OTUD7A: variants seen among roughly 807,000 people sequenced by gnomAD.
OTUD7A encodes the protein OTU deubiquitinase 7A.
OTUD7A carries 12 observed loss-of-function variants against 65.7 expected under a neutral mutation model. The observed-to-expected ratio is 0.18, with a 90% confidence interval of 0.12 to 0.30. The LOEUF (loss-of-function observed/expected upper bound fraction) is 0.30, where lower values mean the gene tolerates loss of function less well. OTUD7A is among the 10% of genes least tolerant of loss of function. OTUD7A has a pLI of 1.00. For missense variants in OTUD7A, 1,148 were observed against 1,304.8 expected, an observed-to-expected ratio of 0.88 and a Z score of 1.85; for synonymous variants, 641 against 586.3, an observed-to-expected ratio of 1.09 and a Z score of -1.35.
rs12441743 is a variant in OTUD7A at position 31,675,425 on chromosome 15, C to T, written c.-99-18348G>A. 7.8e-3 allele frequency among the ~76,000 whole-genome samples: 1,180 copies of T among 152,234 alleles called. 44 individuals carry two copies. The East Asian group carries it at 0.082, about 11-fold the overall frequency. On this transcript the variant is annotated intron_variant, in intron 1 of 12. Transcript: ENST00000307050. ...CAAACATGATTCTCATGCCAATACACTATCTTAACAAATTTGAGGAGAAAA... is the reference window on the plus strand; with the variant it reads ...CAAACATGATTCTCATGCCAATACATTATCTTAACAAATTTGAGGAGAAAA...
chr15:31,528,353 A>G (rs1234266888), intron 6 of OTUD7A, among the ~76,000 whole-genome samples: 4 of 152,234 alleles, frequency 2.6e-5, no homozygotes, highest in African/African-American at 9.6e-5. Context: ...GCAGTACTTG[A>G]GAAAAGGCAA....
chr15:31,587,311 T>C (rs1889572305), intron 3 of OTUD7A, among the ~76,000 whole-genome samples: 1 of 152,092 alleles, frequency 6.6e-6, no homozygotes, highest in South Asian at 2.1e-4. Flanking sequence ...CTGTCACCTG[T>C]TCTCCACAGG....
intron 3 of OTUD7A, among the ~76,000 whole-genome samples, chr15:31,570,473 ACACACACACACAC>A (rs924048558): frequency 6.7e-6 from 1 of 148,628 alleles, no homozygotes; most frequent in Non-Finnish European, 1.5e-5. Context: ...ACACACACAC[ACACACACACACAC>A]ATCTAAACAC....
chr15:31,717,063 CTCCACATACAAG>C (rs1893607744), intron 1 of OTUD7A, among the ~76,000 whole-genome samples: 1 of 152,178 alleles, frequency 6.6e-6, no homozygotes, highest in African/African-American at 2.4e-5. Flanking sequence ...TTATCATTCT[CTCCACATACAAG>C]TCTGTTCTAC....
rs181376297 is a variant in OTUD7A, at chr15:31,640,392, T to A, written c.151+14704A>T. On this transcript the variant is annotated intron_variant, in intron 3 of 12. Transcript: ENST00000307050. ...TAACCAAACACCACCTGTACCCCAATAACCTACGGAAATAAAAAAAAATAA... is the reference window on the plus strand; with the variant it reads ...TAACCAAACACCACCTGTACCCCAAAAACCTACGGAAATAAAAAAAAATAA... 1.4e-3 allele frequency among the ~76,000 whole-genome samples: 215 copies of A among 152,172 alleles called. 1 individual carries two copies. Among genetic ancestry groups the A allele is most frequent in the African/African-American group, 4.9e-3 (203 of 41,524 alleles).
At chr15:31,639,249 G>A (rs1891440800) in intron 3 of OTUD7A, among the ~76,000 whole-genome samples, 1 of 152,052 alleles carries the variant, frequency 6.6e-6, no homozygotes, top group Non-Finnish European at 1.5e-5. Context: ...TACATAAGTG[G>A]AATTGCACAA....
intron 1 of OTUD7A, among the ~76,000 whole-genome samples, chr15:31,854,374 A>G (rs1897512101): frequency 6.6e-6 from 1 of 152,212 alleles, no homozygotes; most frequent in Non-Finnish European, 1.5e-5. Flanking sequence ...TTGCCACATA[A>G]GATGACATAT....
intron 1 of OTUD7A, among the ~76,000 whole-genome samples, chr15:31,750,806 A>G (rs1221558041): frequency 6.6e-6 from 1 of 152,214 alleles, no homozygotes; most frequent in Non-Finnish European, 1.5e-5. Flanking sequence ...AACAAAGTTG[A>G]CAAAAATAGG....
chr15:31,682,807 GTGTGTA>G (rs1359244567), intron 1 of OTUD7A, among the ~76,000 whole-genome samples: 5 of 152,328 alleles, frequency 3.3e-5, no homozygotes, highest in African/African-American at 9.6e-5. Flanking sequence ...GTGTTTAATA[GTGTGTA>G]TGTGTATTTG....
intron 1 of OTUD7A, among the ~76,000 whole-genome samples, chr15:31,758,558 G>A (rs1038385684): frequency 3.3e-5 from 5 of 152,210 alleles, no homozygotes; most frequent in Admixed American, 1.3e-4. Flanking sequence ...AATACTGCTC[G>A]AACCAGAGAG....
chr15:31,484,584 CTCCTTG>C lies in OTUD7A; in HGVS notation c.1506_1511del (p.Asp502_Lys503del), dbSNP rs771670942. 2.4e-5 allele frequency: 38 copies of C among 1,610,446 alleles called. 1 individual carries two copies. Among genetic ancestry groups the C allele is most frequent in the South Asian group, 1.8e-4 (16 of 90,796 alleles). On this transcript the variant is annotated inframe_deletion, in exon 13 of 13. Coordinates refer to ENST00000307050, the MANE Select transcript of OTUD7A (RefSeq NM_001382637.1). This position sits in a 1 kb window ranked among gnomAD's most constrained non-coding sequence, Gnocchi z 4.5. Reference sequence around the variant, plus strand: ...CCTTCTCCTTGCGCTGCTTCTCCTTCTCCTTGTCCTTGCCGTTCTTGCCGTTATTGC... The same window carrying C: ...CCTTCTCCTTGCGCTGCTTCTCCTTCTCCTTGCCGTTCTTGCCGTTATTGC...
rs185010979 is a variant in OTUD7A, at chr15:31,496,758, A to G, written c.1171+4932T>C. ...AGCATTTGATTTAACCACGAGCCATACATCAAATACAGATGGAAGGCTGCT... is the reference window on the plus strand; with the variant it reads ...AGCATTTGATTTAACCACGAGCCATGCATCAAATACAGATGGAAGGCTGCT... On this transcript the variant is annotated intron_variant, in intron 10 of 12. Transcript: ENST00000307050. 3.1e-4 allele frequency among the ~76,000 whole-genome samples: 47 copies of G among 152,322 alleles called. No homozygotes were observed. In the East Asian group the frequency reaches 8.5e-3, roughly 27 times the overall value.
rs2041057329 is a variant in OTUD7A, at chr15:31,478,358, A to C, written c.*4936T>G. 1 of 152,158 alleles carries C rather than the reference A, an allele frequency of 6.6e-6. No individual in the cohort carries two copies. The highest frequency in any genetic ancestry group is 6.6e-5 in the Admixed American group (1 of 15,264). The allele number at this position is 152,158 out of a possible 1,614,324, so 9.4% of individuals were successfully genotyped here. A position where few individuals can be genotyped will look rare whatever the true frequency, so the allele number is the denominator to read the frequency against. ...AAACTAACAAATTATGTATATATAT[A>C]TCCTTGATATGCTCTTTGGGAGGAA... On this transcript the variant is annotated 3_prime_UTR_variant, in exon 13 of 13. Coordinates refer to ENST00000307050, the MANE Select transcript of OTUD7A (RefSeq NM_001382637.1).
intron 8 of OTUD7A, among the ~76,000 whole-genome samples, chr15:31,512,645 T>C (rs1479317923): frequency 1.3e-5 from 2 of 152,178 alleles, no homozygotes; most frequent in South Asian, 2.1e-4. Flanking sequence ...TAACTTAGAA[T>C]TTTTTAAAAG....
At chr15:31,633,988 T>C (rs1891258564) in intron 3 of OTUD7A, among the ~76,000 whole-genome samples, 1 of 152,198 alleles carries the variant, frequency 6.6e-6, no homozygotes. Flanking sequence ...TGAACCTAAC[T>C]TCTTTCCAAA....
chr15:31,734,240 TAAAGAAATCAGAAGTGACAC>T (rs1318548243), intron 1 of OTUD7A, among the ~76,000 whole-genome samples: 4 of 152,014 alleles, frequency 2.6e-5, no homozygotes, highest in Non-Finnish European at 5.9e-5. Flanking sequence ...AAACACTGCT[TAAAGAAATCAGAAGTGACAC>T]AAACAAATGG....
intron 6 of OTUD7A, among the ~76,000 whole-genome samples, chr15:31,528,506 T>G (rs968890370): frequency 3.3e-5 from 5 of 152,238 alleles, no homozygotes; most frequent in African/African-American, 1.2e-4. Flanking sequence ...CTGGGCATCT[T>G]TGGATATGCA....
At chr15:31,786,175 C>T (rs750420618) in intron 1 of OTUD7A, among the ~76,000 whole-genome samples, 1 of 152,172 alleles carries the variant, frequency 6.6e-6, no homozygotes, top group African/African-American at 2.4e-5. Flanking sequence ...AGCTCTTCAA[C>T]CTTGGACTTC....
chr15:31,660,287 A>AT (rs1892125479), intron 1 of OTUD7A, among the ~76,000 whole-genome samples: 1 of 152,246 alleles, frequency 6.6e-6, no homozygotes, highest in African/African-American at 2.4e-5. Flanking sequence ...GTCTCAACTC[A>AT]GATGTCAACA....
Sources: gnomAD v4.1 joint callset for allele counts (sites outside exome capture counted in the v4.1 genomes callset) on GRCh38, gnomAD v4.1.1 for gene constraint, Gnocchi (gnomAD v3.1) non-coding constraint, MANE v1.5 for transcripts, NCBI Gene and HGNC (gene_info 2026-07-23, HGNC 2026-07-21) for gene names.